The following TMEM135 variants were observed in gnomAD, a reference collection of about 807,000 sequenced individuals.
The protein encoded by TMEM135 is transmembrane protein 135, also known as peroxisomal membrane protein 52.
In TMEM135, 30 loss-of-function variants were observed where a neutral mutation model predicts 60.3. The ratio of observed to expected loss-of-function variants is 0.50; its 90% confidence interval spans 0.37 to 0.68. The LOEUF (loss-of-function observed/expected upper bound fraction) is 0.68. Among genes scored for constraint, TMEM135 ranks in the 30% least tolerant of loss-of-function variants. The probability of loss-of-function intolerance (pLI) is 0.00; values close to 1 mark genes in which losing one functional copy is unlikely to be tolerated. For missense variants in TMEM135, 468 were observed against 548.8 expected, an observed-to-expected ratio of 0.85 and a Z score of 1.47; for synonymous variants, 190 against 186.7, an observed-to-expected ratio of 1.02 and a Z score of -0.14.
At position 87,315,818 on chromosome 11, in the gene TMEM135, T is replaced by A. The variant is rs74392396; in HGVS notation, c.1077+1271T>A. Among the ~76,000 whole-genome samples the A allele has an allele frequency of 3.0e-3, 454 of 152,130 alleles. 21 individuals carry two copies. The East Asian group carries it at 0.075, about 25-fold the overall frequency. ...CCCATGAGTCTTTATTTTTAAAGTATCATTATGAAGATTTGGAGTTTAACA... is the reference window on the plus strand; with the variant it reads ...CCCATGAGTCTTTATTTTTAAAGTAACATTATGAAGATTTGGAGTTTAACA... On this transcript the variant is annotated intron_variant, in intron 12 of 14. Transcript: ENST00000305494.
Position 87,321,633 on chromosome 11 carries a change from A to G in TMEM135, c.*300A>G, listed in dbSNP as rs565996959. 7.4e-6 allele frequency: 4 copies of G among 537,118 alleles called. No homozygotes were observed. Among genetic ancestry groups the G allele is most frequent in the African/African-American group, 5.6e-5 (3 of 53,168 alleles). 33.3% of individuals were successfully genotyped at this position (537,118 alleles called of 1,614,324 possible). On this transcript the variant is annotated 3_prime_UTR_variant, in exon 15 of 15. Coordinates refer to ENST00000305494, the MANE Select transcript of TMEM135 (RefSeq NM_022918.4). ...ATTATATAATCTACGTAGAAGTGTA[A>G]TAACAAACAAGAGTACACTTAAAAT...
intron 1 of TMEM135, among the ~76,000 whole-genome samples, chr11:87,062,061 G>A (rs1031798579): frequency 9.9e-5 from 15 of 151,858 alleles, no homozygotes; most frequent in East Asian, 1.9e-4. Flanking sequence ...GCTGGAGTAC[G>A]GTGGCACAAT....
rs556335533 is a variant in TMEM135 at position 87,193,986 on chromosome 11, A to G, written c.462+36580A>G. Among the ~76,000 whole-genome samples, 11 of 152,136 alleles carry G rather than the reference A, an allele frequency of 7.2e-5. No homozygotes were observed. In the South Asian group the frequency reaches 2.3e-3, roughly 31 times the overall value. Reference sequence around the variant, plus strand: ...GTTATCTTTGCTTTTTTCACTTACTAGCAGAGAAGATTAATGTAGTAATGT... The same window carrying G: ...GTTATCTTTGCTTTTTTCACTTACTGGCAGAGAAGATTAATGTAGTAATGT... On this transcript the variant is annotated intron_variant, in intron 5 of 14. Coordinates refer to ENST00000305494, the MANE Select transcript of TMEM135 (RefSeq NM_022918.4).
chr11:87,300,488 T>C (rs1054862543), intron 7 of TMEM135, among the ~76,000 whole-genome samples: 1 of 152,188 alleles, frequency 6.6e-6, no homozygotes, highest in Non-Finnish European at 1.5e-5. Context: ...GATAATTTAT[T>C]GGTTGTGGAC....
At chr11:87,149,897 T>A (rs555887027) in intron 4 of TMEM135, among the ~76,000 whole-genome samples, 1 of 152,348 alleles carries the variant, frequency 6.6e-6, no homozygotes, top group East Asian at 1.9e-4. Flanking sequence ...TTTCAAAATG[T>A]AATTAAATAT....
At chr11:87,237,096 G>T (rs1293484519) in intron 6 of TMEM135, among the ~76,000 whole-genome samples, 1 of 151,958 alleles carries the variant, frequency 6.6e-6, no homozygotes, top group Admixed American at 6.6e-5. Flanking sequence ...TAAGCCTTCT[G>T]CAAGGATAAC....
chr11:87,069,374 G>A (rs1565427898), intron 2 of TMEM135, among the ~76,000 whole-genome samples: 1 of 151,526 alleles, frequency 6.6e-6, no homozygotes. Flanking sequence ...TGCTATTGCA[G>A]CATCTTTATG....
chr11:87,171,975 C>T (rs1284279926), intron 5 of TMEM135, among the ~76,000 whole-genome samples: 1 of 152,126 alleles, frequency 6.6e-6, no homozygotes, highest in Non-Finnish European at 1.5e-5. Flanking sequence ...TTGCTGCTCA[C>T]CTCCTGTTGT....
At chr11:87,106,129 A>G (rs1257950140) in intron 4 of TMEM135, among the ~76,000 whole-genome samples, 1 of 150,516 alleles carries the variant, frequency 6.6e-6, no homozygotes, top group East Asian at 1.9e-4. Flanking sequence ...TTTGAGACAG[A>G]GTCTCTCTCT....
At chr11:87,233,015 G>A (rs1390470205) in intron 5 of TMEM135, among the ~76,000 whole-genome samples, 3 of 152,094 alleles carry the variant, frequency 2.0e-5, no homozygotes, top group Non-Finnish European at 4.4e-5. Flanking sequence ...GCTGGGTGTG[G>A]TGACACATGT....
At chr11:87,182,572 T>A (rs977041595) in intron 5 of TMEM135, among the ~76,000 whole-genome samples, 3 of 152,262 alleles carry the variant, frequency 2.0e-5, no homozygotes, top group Admixed American at 2.0e-4. Context: ...TCTTTCACAG[T>A]GTTTGATTAT....
At chr11:87,246,372 G>A (rs1456413457) in intron 6 of TMEM135, among the ~76,000 whole-genome samples, 1 of 151,242 alleles carries the variant, frequency 6.6e-6, no homozygotes, top group African/African-American at 2.4e-5. Context: ...GGCATTCTCT[G>A]TATTTCCTGA....
chr11:87,295,843 A>T lies in TMEM135; in HGVS notation c.551+20A>T. On this transcript the variant is annotated intron_variant, in intron 7 of 14. Transcript: ENST00000305494. Reference sequence around the variant, plus strand: ...ACTTAGGTAAGAAACATTTATTTTTATGTTGAGAGAGAATTTACAAGTTAA... The same window carrying T: ...ACTTAGGTAAGAAACATTTATTTTTTTGTTGAGAGAGAATTTACAAGTTAA... 1 of 1,590,466 alleles carries T rather than the reference A, an allele frequency of 6.3e-7. No homozygotes were observed. The highest frequency in any genetic ancestry group is 8.6e-7 in the Non-Finnish European group (1 of 1,160,694).
At chr11:87,105,547 G>C (rs1857573530) in intron 4 of TMEM135, among the ~76,000 whole-genome samples, 1 of 152,068 alleles carries the variant, frequency 6.6e-6, no homozygotes, top group African/African-American at 2.4e-5. Context: ...ATTTCATGTT[G>C]AACCATCCTC....
At chr11:87,042,949 G>T (rs1949762571) in intron 1 of TMEM135, among the ~76,000 whole-genome samples, 1 of 121,074 alleles carries the variant, frequency 8.3e-6, no homozygotes, top group African/African-American at 3.9e-5. Context: ...TATTTCTGTA[G>T]TTTTGTTTTG....
intron 4 of TMEM135, among the ~76,000 whole-genome samples, chr11:87,092,505 A>G (rs1376134947): frequency 1.3e-5 from 2 of 152,218 alleles, no homozygotes; most frequent in African/African-American, 4.8e-5. Context: ...AGCCTAGGGT[A>G]TGCCATCAAG....
intron 4 of TMEM135, among the ~76,000 whole-genome samples, chr11:87,097,565 A>G (rs1459587024): frequency 6.6e-6 from 1 of 152,128 alleles, no homozygotes; most frequent in African/African-American, 2.4e-5. Context: ...ATGTGAACAG[A>G]TTTTGTAGGG....
At chr11:87,131,764 C>G (rs11234988) in intron 4 of TMEM135, among the ~76,000 whole-genome samples, 19,573 of 152,024 alleles carry the variant, frequency 0.13, 1,333 homozygotes, top group Middle Eastern at 0.15. Context: ...GGGTCCCCAG[C>G]AATACTGGTC....
chr11:87,272,714 A>T (rs1403806509), intron 6 of TMEM135, among the ~76,000 whole-genome samples: 1 of 152,096 alleles, frequency 6.6e-6, no homozygotes, highest in Non-Finnish European at 1.5e-5. Context: ...CTCCTGTTTC[A>T]GCCTCCCAAA....
Sources: allele counts gnomAD v4.1 joint callset (sites outside exome capture counted in the v4.1 genomes callset), GRCh38; gene constraint gnomAD v4.1.1; transcripts MANE v1.5; gene names NCBI Gene and HGNC (gene_info 2026-07-23, HGNC 2026-07-21).